HDAC9: variants seen among roughly 807,000 people sequenced by gnomAD.
The protein encoded by HDAC9 is histone deacetylase 9, also known as MEF-2 interacting transcription repressor (MITR) protein.
In HDAC9, 41 loss-of-function variants were observed where a neutral mutation model predicts 139.4. That is an observed-to-expected ratio of 0.29 (90% CI 0.23 to 0.38). HDAC9 has a LOEUF of 0.38. Ranked by LOEUF, HDAC9 falls within the 10% of genes least tolerant of loss-of-function variation. The pLI is 1.00. For synonymous variants in HDAC9, 517 were observed against 476.2 expected, an observed-to-expected ratio of 1.09 and a Z score of -1.12; for missense variants, 1,147 against 1,297.0, an observed-to-expected ratio of 0.88 and a Z score of 1.78.
intron 1 of HDAC9, among the ~76,000 whole-genome samples, chr7:18,381,625 G>A (rs997567986): frequency 6.6e-6 from 1 of 151,982 alleles, no homozygotes; most frequent in African/African-American, 2.4e-5. Context: ...GAAAAAGTGA[G>A]AATAGACTAT....
At chr7:18,180,263 A>ACACACACACC (rs1554322969) in intron 2 of HDAC9, among the ~76,000 whole-genome samples, 1 of 149,542 alleles carries the variant, frequency 6.7e-6, no homozygotes, top group Non-Finnish European at 1.5e-5. Flanking sequence ...ACACACACAC[A>ACACACACACC]CACACACACA....
chr7:18,690,725 C>A (rs373943181), intron 12 of HDAC9, among the ~76,000 whole-genome samples: 3 of 151,812 alleles, frequency 2.0e-5, no homozygotes, highest in African/African-American at 7.3e-5. Context: ...AAAATCCTCT[C>A]GAAATTTGAA....
At chr7:18,470,240 A>G (rs1276490134) in intron 1 of HDAC9, among the ~76,000 whole-genome samples, 1 of 151,816 alleles carries the variant, frequency 6.6e-6, no homozygotes, top group Non-Finnish European at 1.5e-5. Flanking sequence ...TTGAGCCCAC[A>G]AGTTTGAGGC....
intron 2 of HDAC9, among the ~76,000 whole-genome samples, chr7:18,541,827 T>G (rs1231029087): frequency 6.6e-6 from 1 of 152,236 alleles, no homozygotes; most frequent in Non-Finnish European, 1.5e-5. Context: ...ATGTTCATAG[T>G]GATTCATGAA....
chr7:18,240,234 G>C (rs1208241133), intron 2 of HDAC9, among the ~76,000 whole-genome samples: 1 of 152,008 alleles, frequency 6.6e-6, no homozygotes, highest in African/African-American at 2.4e-5. Context: ...CTTCCTATTT[G>C]GGTATTGATG....
At chr7:18,535,956 A>G (rs1478025003) in intron 2 of HDAC9, among the ~76,000 whole-genome samples, 2 of 152,234 alleles carry the variant, frequency 1.3e-5, no homozygotes, top group East Asian at 3.9e-4. Context: ...CTTGTAGGAG[A>G]AGCTGTAGAT....
At chr7:18,804,412 C>A (rs537127418) in intron 17 of HDAC9, among the ~76,000 whole-genome samples, 1 of 152,048 alleles carries the variant, frequency 6.6e-6, no homozygotes, top group Non-Finnish European at 1.5e-5. Flanking sequence ...TTCATACACA[C>A]GTATGCATAC....
In HDAC9 at chr7:18,343,792, T is replaced by C. The variant is rs143937566; in HGVS notation, c.-42+53277T>C. The stretch of plus-strand genomic sequence containing the variant: ...TGCATTTTCTCAAGAAAACATTATT[T>C]TCTTAGTAAATTCGCCTTTATATAT... On this transcript the variant is annotated intron_variant, in intron 1 of 3. Transcript: ENST00000413509. Among the ~76,000 whole-genome samples, 518 of 151,976 alleles carry C rather than the reference T, an allele frequency of 3.4e-3. 1 individual carries two copies. Among genetic ancestry groups the C allele is most frequent in the African/African-American group, 0.012 (504 of 41,538 alleles).
rs1281584801 is a variant in HDAC9 at position 18,968,815 on chromosome 7, T to C, written c.3023-6991T>C. On this transcript the variant is annotated intron_variant, in intron 24 of 25. Coordinates refer to ENST00000686413, the MANE Select transcript of HDAC9 (RefSeq NM_178425.4). ...TCTACTAAACATACAAAAAATTAGC[T>C]GGGCGTGGTGGCGGGCGCCTGTAGT... Among the ~76,000 whole-genome samples, 9 of 151,580 alleles carry C rather than the reference T, an allele frequency of 5.9e-5. 1 individual carries two copies. Among genetic ancestry groups the C allele is most frequent in the Non-Finnish European group, 1.3e-4 (9 of 67,850 alleles).
chr7:18,623,914 G>A (rs1430610146), intron 6 of HDAC9, among the ~76,000 whole-genome samples: 4 of 152,178 alleles, frequency 2.6e-5, no homozygotes, highest in Admixed American at 2.0e-4. Context: ...ATTCCAGCAT[G>A]GGCGACAGAG....
chr7:18,095,800 A>G (rs570491889), intron 1 of HDAC9, among the ~76,000 whole-genome samples: 1 of 152,364 alleles, frequency 6.6e-6, no homozygotes, highest in East Asian at 1.9e-4. Flanking sequence ...GAACTCTGTG[A>G]CAAATGATGC....
intron 7 of HDAC9, among the ~76,000 whole-genome samples, chr7:18,631,892 T>C (rs1584377199): frequency 6.6e-6 from 1 of 152,026 alleles, no homozygotes; most frequent in East Asian, 1.9e-4. Context: ...TCCAGTGTCA[T>C]GTCATAGAAT....
chr7:18,584,407 C>T (rs1034041200), intron 2 of HDAC9, among the ~76,000 whole-genome samples: 4 of 151,920 alleles, frequency 2.6e-5, no homozygotes, highest in African/African-American at 9.7e-5. Flanking sequence ...TGATTACAGG[C>T]GTGAGCCACC....
chr7:18,416,593 C>T (rs1242208101), intron 1 of HDAC9, among the ~76,000 whole-genome samples: 1 of 151,862 alleles, frequency 6.6e-6, no homozygotes, highest in African/African-American at 2.4e-5. Flanking sequence ...AGATATAGGG[C>T]TGTTACGGTT....
chr7:18,270,216 G>A (rs769951779), intron 2 of HDAC9, among the ~76,000 whole-genome samples: 5 of 151,796 alleles, frequency 3.3e-5, no homozygotes, highest in African/African-American at 9.7e-5. Context: ...ATTGGTTCTC[G>A]GTCATCTGTG....
At chr7:18,443,027 C>A (rs1421955227) in intron 1 of HDAC9, among the ~76,000 whole-genome samples, 1 of 152,178 alleles carries the variant, frequency 6.6e-6, no homozygotes, top group Non-Finnish European at 1.5e-5. Context: ...TCAATGGGAG[C>A]TACTGATTTG....
At chr7:18,617,504 A>G (rs1371499414) in intron 6 of HDAC9, among the ~76,000 whole-genome samples, 1 of 152,116 alleles carries the variant, frequency 6.6e-6, no homozygotes, top group Non-Finnish European at 1.5e-5. Flanking sequence ...TCAATAGTTC[A>G]TACTCATCTT....
Position 18,748,968 on chromosome 7 carries a change from T to C in HDAC9, c.1910-37T>C, listed in dbSNP as rs779124725. 172 of 1,598,410 alleles carry C rather than the reference T, an allele frequency of 1.1e-4. 6 individuals carry two copies. In the South Asian group the frequency reaches 1.9e-3, roughly 18 times the overall value. ...TAACATGTGTCATTATCTTGTACTGTTACTCAATCTTGTCCTGTATTTCCC... is the reference window on the plus strand; with the variant it reads ...TAACATGTGTCATTATCTTGTACTGCTACTCAATCTTGTCCTGTATTTCCC... On this transcript the variant is annotated intron_variant, in intron 13 of 25. Coordinates refer to ENST00000686413, the MANE Select transcript of HDAC9 (RefSeq NM_178425.4).
At chr7:18,619,404 C>T (rs751830160) in intron 6 of HDAC9, among the ~76,000 whole-genome samples, 1 of 152,246 alleles carries the variant, frequency 6.6e-6, no homozygotes, top group East Asian at 1.9e-4. Flanking sequence ...GGAGACCCAT[C>T]GAGCCTATGT....
Sources: allele counts gnomAD v4.1 joint callset (sites outside exome capture counted in the v4.1 genomes callset), GRCh38; gene constraint gnomAD v4.1.1; transcripts MANE v1.5; gene names NCBI Gene and HGNC (gene_info 2026-07-23, HGNC 2026-07-21).